AHCYL1: variants seen among roughly 807,000 people sequenced by gnomAD.
AHCYL1 encodes adenosylhomocysteinase like 1.
Under a neutral mutation model 79.3 loss-of-function variants are expected in AHCYL1, and 20 were observed. The ratio of observed to expected loss-of-function variants is 0.25; its 90% CI spans 0.18 to 0.37. The LOEUF (loss-of-function observed/expected upper bound fraction) is 0.37, where lower values mean the gene tolerates loss of function less well. Among genes scored for constraint, AHCYL1 ranks in the 10% least tolerant of loss-of-function variants. The pLI, the probability that AHCYL1 is intolerant of heterozygous loss-of-function variation, is 1.00. For synonymous variants in AHCYL1, 223 were observed against 242.2 expected (o/e 0.92, Z 0.74); for missense variants, 330 against 673.6 (o/e 0.49, Z 5.65).
chr1:110,016,309 T>C (rs763874916), intron 7 of AHCYL1, 35 bp from the exon 8 acceptor site: 2 of 1,535,738 alleles, frequency 1.3e-6, no homozygotes, highest in South Asian at 1.2e-5. Flanking sequence ...GCTAACTTGG[T>C]TTTTGTTTGT....
intron 2 of AHCYL1, 143 bp downstream of exon 2, chr1:110,009,288 T>A: frequency 1.5e-6 from 1 of 677,734 alleles, no homozygotes; most frequent in Non-Finnish European, 2.4e-6. Flanking sequence ...GCAGTGGGAA[T>A]GTTCTGCAGC....
intron 1 of AHCYL1, among the ~76,000 whole-genome samples, chr1:110,005,403 T>C (rs1468760542): frequency 1.3e-5 from 2 of 152,210 alleles, no homozygotes; most frequent in Non-Finnish European, 2.9e-5. Context: ...ATGTTCCTCA[T>C]GGAGCAGTGA....
chr1:109,992,827 C>T (rs537962762), intron 1 of AHCYL1, among the ~76,000 whole-genome samples: 8 of 152,128 alleles, frequency 5.3e-5, no homozygotes, highest in African/African-American at 1.9e-4. Context: ...TATGCGTATT[C>T]TGTTAGAGGA....
At position 110,022,805 on chromosome 1, in the gene AHCYL1, TTGTC is replaced by T. The variant is rs1183568403; in HGVS notation, c.*1128_*1131del. 2 of 152,412 alleles carry T rather than the reference TTGTC, an allele frequency of 1.3e-5. No individual in the cohort carries two copies. Among genetic ancestry groups the T allele is most frequent in the African/African-American group, 4.8e-5 (2 of 41,436 alleles). The allele number at this position is 152,412 out of a possible 1,614,324, so 9.4% of individuals were successfully genotyped here. A position where few individuals can be genotyped will look rare whatever the true frequency, so the allele number is the denominator to read the frequency against. ...CAAGAAAAATCTAGCTTCATATAAT[TTGTC>T]TGGGACTATACACCCTATATAATGT... On this transcript the variant is annotated 3_prime_UTR_variant, in exon 17 of 17. Transcript: ENST00000369799.
intron 1 of AHCYL1, among the ~76,000 whole-genome samples, chr1:109,989,899 C>T (rs1022639398): frequency 6.6e-6 from 1 of 152,228 alleles, no homozygotes; most frequent in Admixed American, 6.5e-5. Context: ...AGAATTTTTT[C>T]TAGCCTGAAA....
At chr1:109,986,125 A>G (rs917869104) in intron 1 of AHCYL1, among the ~76,000 whole-genome samples, 2 of 152,198 alleles carry the variant, frequency 1.3e-5, no homozygotes, top group Non-Finnish European at 2.9e-5. Flanking sequence ...GAGAACCTTT[A>G]CAAAGAGGTG....
At chr1:110,015,329 A>C in intron 6 of AHCYL1, 96 bp from the exon 7 acceptor site, 1 of 951,950 alleles carries the variant, frequency 1.1e-6, no homozygotes, top group South Asian at 1.4e-5. Context: ...CTTCCAAAAC[A>C]TACAGGGCTC....
At chr1:109,997,367 G>C (rs184407421) in intron 1 of AHCYL1, among the ~76,000 whole-genome samples, 6 of 152,304 alleles carry the variant, frequency 3.9e-5, no homozygotes, top group African/African-American at 1.4e-4. Context: ...ATTAGAGAAA[G>C]ATGACAGGAA....
rs748793308 is a variant in AHCYL1 at position 110,017,474 on chromosome 1, G to GA, written c.964-20dup. Reference sequence around the variant, plus strand: ...CATGACTTAATGAACCTAACGACTTGACCTTTCTTTTGTTCTGCAGGTAGG... The same window carrying GA: ...CATGACTTAATGAACCTAACGACTTGAACCTTTCTTTTGTTCTGCAGGTAGG... On this transcript the variant is annotated intron_variant, in intron 9 of 16. Coordinates refer to ENST00000369799, the MANE Select transcript of AHCYL1 (RefSeq NM_006621.7). The GA allele has an allele frequency of 3.1e-6, 5 of 1,612,590 alleles. No homozygotes were observed. The Admixed American group carries it at 8.3e-5, about 27-fold the overall frequency.
At chr1:109,986,806 G>T (rs544464341) in intron 1 of AHCYL1, among the ~76,000 whole-genome samples, 1 of 152,306 alleles carries the variant, frequency 6.6e-6, no homozygotes, top group South Asian at 2.1e-4. Context: ...AGTGTGCCTA[G>T]CTTTGTACCC....
intron 2 of AHCYL1, among the ~76,000 whole-genome samples, chr1:110,010,401 A>G (rs1650951936): frequency 6.6e-6 from 1 of 152,214 alleles, no homozygotes; most frequent in African/African-American, 2.4e-5. Context: ...CAGAGAGGAA[A>G]GAAGTGATTT....
chr1:109,993,246 A>G (rs1477912575), intron 1 of AHCYL1, among the ~76,000 whole-genome samples: 7 of 152,222 alleles, frequency 4.6e-5, no homozygotes, highest in Non-Finnish European at 1.0e-4. Context: ...TAGATTATCA[A>G]AACTAAACAA....
chr1:110,008,113 C>T (rs536392923), intron 1 of AHCYL1, among the ~76,000 whole-genome samples: 134 of 151,320 alleles, frequency 8.9e-4, no homozygotes, highest in African/African-American at 3.1e-3. Flanking sequence ...ACCACCACCT[C>T]CCGGGTTCAA....
chr1:109,988,312 G>A (rs1055415990), intron 1 of AHCYL1, among the ~76,000 whole-genome samples: 1 of 152,200 alleles, frequency 6.6e-6, no homozygotes, highest in African/African-American at 2.4e-5. Flanking sequence ...ACTGTCACTG[G>A]TGATTTCAGA....
Position 110,017,593 on chromosome 1 carries a change from G to C in AHCYL1, c.1052+10G>C, listed in dbSNP as rs755031896. 1 of 1,611,188 alleles carries C rather than the reference G, an allele frequency of 6.2e-7. No individual in the cohort carries two copies. Among genetic ancestry groups the C allele is most frequent in the Non-Finnish European group, 8.5e-7 (1 of 1,177,516 alleles). ...GTGCTCTGCAGGCCTGGTAAGAACA[G>C]AGTGATAATACTATTAGATTCACTC... On this transcript the variant is annotated intron_variant, in intron 10 of 16. Coordinates refer to ENST00000369799, the MANE Select transcript of AHCYL1 (RefSeq NM_006621.7).
intron 1 of AHCYL1, among the ~76,000 whole-genome samples, chr1:109,987,308 A>G (rs554801792): frequency 2.6e-5 from 4 of 152,354 alleles, no homozygotes; most frequent in Non-Finnish European, 5.9e-5. Flanking sequence ...TACCTCTGCC[A>G]TGTGTTGATA....
intron 10 of AHCYL1, 22 bp from the exon 11 acceptor site, chr1:110,017,924 G>T (rs57487228): frequency 6.2e-6 from 10 of 1,613,100 alleles, no homozygotes; most frequent in Non-Finnish European, 8.5e-6. Context: ...TTTACTCATA[G>T]TGTTCCTTTC....
intron 1 of AHCYL1, among the ~76,000 whole-genome samples, chr1:110,005,074 A>G (rs933027576): frequency 6.6e-6 from 1 of 152,212 alleles, no homozygotes; most frequent in Non-Finnish European, 1.5e-5. Context: ...TAGGACAGAC[A>G]ATGGGACAGA....
Position 109,984,841 on chromosome 1 carries a change from C to T in AHCYL1, c.-212C>T, listed in dbSNP as rs1161466455. 2.9e-5 allele frequency: 19 copies of T among 659,956 alleles called. No individual in the cohort carries two copies. Among genetic ancestry groups the T allele is most frequent in the Non-Finnish European group, 3.8e-5 (18 of 470,866 alleles). The allele number at this position is 659,956 out of a possible 1,614,324, so 40.9% of individuals were successfully genotyped here. A position where few individuals can be genotyped will look rare whatever the true frequency, so the allele number is the denominator to read the frequency against. On this transcript the variant is annotated 5_prime_UTR_variant, in exon 1 of 17. Coordinates refer to ENST00000369799, the MANE Select transcript of AHCYL1 (RefSeq NM_006621.7). ...AGCTCGGAGCTGCTGTTCTGGTTCT[C>T]TTGTGGCCGCCGTCGCTGTCCGGCT...
Sources: gnomAD v4.1 joint callset for allele counts (sites outside exome capture counted in the v4.1 genomes callset) on GRCh38, gnomAD v4.1.1 for gene constraint, MANE v1.5 for transcripts, NCBI Gene and HGNC (gene_info 2026-07-23, HGNC 2026-07-21) for gene names.